The following RBFOX1 variants were observed in gnomAD, a reference collection of about 807,000 sequenced individuals.
RBFOX1 encodes the protein RNA binding protein fox-1 homolog 1.
In RBFOX1, 8 loss-of-function variants were observed where a neutral mutation model predicts 57.7. The observed-to-expected ratio is 0.14, with a 90% CI of 0.08 to 0.25. The LOEUF (loss-of-function observed/expected upper bound fraction) is 0.25. Ranked by LOEUF, RBFOX1 falls within the 10% of genes least tolerant of loss-of-function variation. The pLI is 1.00. For synonymous variants in RBFOX1, 326 were observed against 222.4 expected, an observed-to-expected ratio of 1.47 and a Z score of -4.15; for missense variants, 611 against 548.5, an observed-to-expected ratio of 1.11 and a Z score of -1.14.
At chr16:5,896,194 C>T (rs1016023481) in intron 4 of RBFOX1, among the ~76,000 whole-genome samples, 4 of 152,174 alleles carry the variant, frequency 2.6e-5, no homozygotes, top group African/African-American at 9.7e-5. Context: ...CAGCTGGTCT[C>T]ATCTAGAGGC....
At chr16:7,085,771 G>A (rs1032423457) in intron 4 of RBFOX1, among the ~76,000 whole-genome samples, 1 of 152,132 alleles carries the variant, frequency 6.6e-6, no homozygotes, top group Non-Finnish European at 1.5e-5. Context: ...TGTAATGACA[G>A]AGTGTGTTCA....
chr16:7,501,241 C>G (rs2070745676), intron 4 of RBFOX1, among the ~76,000 whole-genome samples: 1 of 152,188 alleles, frequency 6.6e-6, no homozygotes. Flanking sequence ...CTGCTTATTT[C>G]TTCTATTTCA....
chr16:7,512,208 C>T, intron 4 of RBFOX1, among the ~76,000 whole-genome samples: 1 of 152,200 alleles, frequency 6.6e-6, no homozygotes, highest in East Asian at 1.9e-4. Context: ...CTGTCACTGT[C>T]CCCTACATGA....
chr16:7,286,578 T>TAGCTGG (rs779114199), intron 4 of RBFOX1, among the ~76,000 whole-genome samples: 5 of 149,406 alleles, frequency 3.3e-5, no homozygotes, highest in Non-Finnish European at 7.4e-5. Context: ...GCCTCCTGAA[T>TAGCTGG]AGCTGGAATT....
intron 3 of RBFOX1, among the ~76,000 whole-genome samples, chr16:6,890,455 A>T (rs143013906): frequency 6.6e-6 from 1 of 152,152 alleles, no homozygotes; most frequent in African/African-American, 2.4e-5. Context: ...GATGGCAGAG[A>T]TTTCGGTGAA....
chr16:5,317,172 C>G (rs1263820386), intron 1 of RBFOX1, among the ~76,000 whole-genome samples: 1 of 152,084 alleles, frequency 6.6e-6, no homozygotes, highest in Non-Finnish European at 1.5e-5. Flanking sequence ...ATGAGTGAAC[C>G]AATTCCCTTA....
intron 3 of RBFOX1, among the ~76,000 whole-genome samples, chr16:6,741,734 C>A (rs755150128): frequency 1.3e-5 from 2 of 151,220 alleles, no homozygotes; most frequent in Non-Finnish European, 2.9e-5. Flanking sequence ...GAAAGAAAAG[C>A]TATAATGTGG....
At chr16:5,948,025 T>C (rs1340493302) in intron 4 of RBFOX1, among the ~76,000 whole-genome samples, 1 of 152,216 alleles carries the variant, frequency 6.6e-6, no homozygotes, top group African/African-American at 2.4e-5. Flanking sequence ...GCAGGAACTC[T>C]TCAGCAGAAC....
chr16:5,539,578 G>A lies in RBFOX1; in HGVS notation c.259-59324G>A, dbSNP rs1404765673. 2.6e-5 allele frequency among the ~76,000 whole-genome samples: 4 copies of A among 151,692 alleles called. No homozygotes were observed. The East Asian group carries it at 7.8e-4, about 30-fold the overall frequency. ...ATCGTACCACTGCACCCCAGCCTGG[G>A]CAATAGAGCGAGACTCTCTCTCAAA... On this transcript the variant is annotated intron_variant, in intron 2 of 2. Transcript: ENST00000585867.
chr16:5,603,944 C>G (rs939264379), downstream of RBFOX1, among the ~76,000 whole-genome samples: 4 of 148,024 alleles, frequency 2.7e-5, no homozygotes, highest in African/African-American at 7.5e-5. Flanking sequence ...CTCCTATACC[C>G]AAGGCAGACA....
At chr16:5,317,545 T>A (rs1837434667) in intron 1 of RBFOX1, among the ~76,000 whole-genome samples, 1 of 151,852 alleles carries the variant, frequency 6.6e-6, no homozygotes, top group African/African-American at 2.4e-5. Context: ...GGAGGTGGAG[T>A]TTGCAGTGAG....
At chr16:5,241,723 A>G (rs2062172311) in intron 1 of RBFOX1, among the ~76,000 whole-genome samples, 1 of 152,220 alleles carries the variant, frequency 6.6e-6, no homozygotes, top group African/African-American at 2.4e-5. Flanking sequence ...CACATAGTGT[A>G]TGGTGGATAA....
chr16:7,582,637 G>A (rs1038558936), intron 6 of RBFOX1, among the ~76,000 whole-genome samples: 1 of 152,048 alleles, frequency 6.6e-6, no homozygotes, highest in Non-Finnish European at 1.5e-5. Context: ...TTCCTCTTTT[G>A]GGTCATAGTT....
chr16:7,236,498 C>T (rs959964464), intron 4 of RBFOX1, among the ~76,000 whole-genome samples: 1 of 152,120 alleles, frequency 6.6e-6, no homozygotes, highest in Non-Finnish European at 1.5e-5. Flanking sequence ...TAAATGCATC[C>T]ATCCCATTGC....
At chr16:7,217,003 C>T (rs1297886704) in intron 4 of RBFOX1, among the ~76,000 whole-genome samples, 3 of 83,876 alleles carry the variant, frequency 3.6e-5, no homozygotes, top group Non-Finnish European at 7.0e-5. Context: ...TTCCTCCCTC[C>T]CTCCCTTCCC....
intron 3 of RBFOX1, among the ~76,000 whole-genome samples, chr16:6,933,545 T>C (rs912687008): frequency 6.6e-6 from 1 of 152,158 alleles, no homozygotes; most frequent in African/African-American, 2.4e-5. Flanking sequence ...AAATCTCTTC[T>C]CTACTAAAAA....
At chr16:5,765,396 A>T (rs1402894977) in intron 3 of RBFOX1, among the ~76,000 whole-genome samples, 2 of 152,186 alleles carry the variant, frequency 1.3e-5, no homozygotes, top group Admixed American at 6.5e-5. Flanking sequence ...AGGGGAAAAA[A>T]TCCCATTAAA....
intron 9 of RBFOX1, among the ~76,000 whole-genome samples, chr16:7,601,174 G>C (rs771069518): frequency 3.9e-5 from 6 of 152,140 alleles, no homozygotes; most frequent in Non-Finnish European, 7.4e-5. Context: ...TCCAGAGAGA[G>C]GCATACTTTG....
chr16:5,654,959 T>G (rs1264732662), intron 3 of RBFOX1, among the ~76,000 whole-genome samples: 2 of 152,108 alleles, frequency 1.3e-5, no homozygotes, highest in Non-Finnish European at 2.9e-5. Flanking sequence ...CCCCAGCAAG[T>G]AGAGGCTCTC....
Sources: allele counts gnomAD v4.1 joint callset (sites outside exome capture counted in the v4.1 genomes callset), GRCh38; gene constraint gnomAD v4.1.1; transcripts MANE v1.5; gene names NCBI Gene and HGNC (gene_info 2026-07-23, HGNC 2026-07-21).